The following AKT3 variants were observed in gnomAD, a reference collection of about 807,000 sequenced individuals.
AKT3 encodes RAC-gamma serine/threonine-protein kinase.
A neutral mutation model predicts 65.3 loss-of-function variants in AKT3; 15 were observed. That is an observed-to-expected ratio of 0.23 (90% CI 0.15 to 0.35). The LOEUF (loss-of-function observed/expected upper bound fraction) is 0.35. Among genes scored for constraint, AKT3 ranks in the 10% least tolerant of loss-of-function variants. The pLI is 1.00. For synonymous variants in AKT3, 206 were observed against 183.8 expected (o/e 1.12, Z -0.98); for missense variants, 243 against 576.5 (o/e 0.42, Z 5.92).
At chr1:243,721,639 T>TA (rs1302780437) in intron 2 of AKT3, among the ~76,000 whole-genome samples, 1 of 152,146 alleles carries the variant, frequency 6.6e-6, no homozygotes, top group Non-Finnish European at 1.5e-5. Context: ...TATAAACTAG[T>TA]AGTACCCTTA....
chr1:243,664,956 G>C, intron 3 of AKT3, 73 bp from the exon 4 acceptor site: 2 of 818,148 alleles, frequency 2.4e-6, no homozygotes, highest in Non-Finnish European at 3.5e-6. Flanking sequence ...GAGAACTACA[G>C]AGTTCTATTT....
At chr1:243,814,287 G>A (rs186760851) in intron 2 of AKT3, among the ~76,000 whole-genome samples, 7 of 152,176 alleles carry the variant, frequency 4.6e-5, no homozygotes, top group Admixed American at 3.9e-4. Flanking sequence ...TTATCTTGAA[G>A]AGATTTAGTT....
intron 2 of AKT3, among the ~76,000 whole-genome samples, chr1:243,842,821 C>T (rs1695327013): frequency 1.3e-5 from 2 of 152,174 alleles, no homozygotes; most frequent in African/African-American, 4.8e-5. Context: ...CTAAAGATAT[C>T]TCTCCAGATT....
At chr1:243,524,594 T>A (rs1319070439) in intron 12 of AKT3, among the ~76,000 whole-genome samples, 1 of 152,200 alleles carries the variant, frequency 6.6e-6, no homozygotes, top group East Asian at 1.9e-4. Flanking sequence ...TTAAATAAGC[T>A]CTCTCACACA....
chr1:243,847,531 A>T (rs1695570769), intron 1 of AKT3, among the ~76,000 whole-genome samples: 2 of 152,214 alleles, frequency 1.3e-5, no homozygotes. Flanking sequence ...AAAGAAACCC[A>T]GATAGCTGGA....
intron 12 of AKT3, among the ~76,000 whole-genome samples, chr1:243,524,331 C>T (rs1292397350): frequency 6.6e-6 from 1 of 152,172 alleles, no homozygotes; most frequent in African/African-American, 2.4e-5. Context: ...AAGCACCAGC[C>T]TCTGCTGACT....
chr1:243,699,627 G>A (rs568624987), intron 2 of AKT3, among the ~76,000 whole-genome samples: 1 of 151,332 alleles, frequency 6.6e-6, no homozygotes, highest in Admixed American at 6.6e-5. Flanking sequence ...AAGGATTCTG[G>A]TATACTGGCT....
At chr1:243,521,427 T>C (rs1670712558) in intron 12 of AKT3, among the ~76,000 whole-genome samples, 1 of 152,220 alleles carries the variant, frequency 6.6e-6, no homozygotes, top group Non-Finnish European at 1.5e-5. Flanking sequence ...TTTGTGTATA[T>C]GTAGGTGTGC....
chr1:243,493,459 A>C (rs1667065802), intron 13 of AKT3, among the ~76,000 whole-genome samples: 1 of 152,206 alleles, frequency 6.6e-6, no homozygotes, highest in African/African-American at 2.4e-5. Context: ...TCAACCATCA[A>C]GATGATTTTC....
chr1:243,850,337 G>A (rs1047703178), upstream of AKT3, among the ~76,000 whole-genome samples: 1 of 149,210 alleles, frequency 6.7e-6, no homozygotes, highest in African/African-American at 2.5e-5. Context: ...GGAGGGAGGA[G>A]AGAGGGCGGC....
At chr1:243,700,688 G>C (rs1399812645) in intron 2 of AKT3, among the ~76,000 whole-genome samples, 1 of 152,036 alleles carries the variant, frequency 6.6e-6, no homozygotes, top group Non-Finnish European at 1.5e-5. Flanking sequence ...ATTTTTAGTA[G>C]AGACAGGGTT....
chr1:243,778,821 G>A (rs1293858934), intron 2 of AKT3, among the ~76,000 whole-genome samples: 3 of 152,018 alleles, frequency 2.0e-5, no homozygotes, highest in Non-Finnish European at 4.4e-5. Context: ...CAGAGTTTAT[G>A]ACAATATAAG....
intron 11 of AKT3, among the ~76,000 whole-genome samples, chr1:243,548,977 C>A (rs1166132252): frequency 1.3e-5 from 2 of 152,152 alleles, no homozygotes; most frequent in African/African-American, 4.8e-5. Flanking sequence ...AAAGGCTTTT[C>A]AAGGTCCTTG....
intron 2 of AKT3, among the ~76,000 whole-genome samples, chr1:243,727,010 A>G (rs1032142991): frequency 6.6e-6 from 1 of 152,176 alleles, no homozygotes; most frequent in Non-Finnish European, 1.5e-5. Flanking sequence ...ATTGTGGTAA[A>G]GCCCACCTCC....
chr1:243,777,648 T>C (rs1395523464), intron 2 of AKT3, among the ~76,000 whole-genome samples: 1 of 152,168 alleles, frequency 6.6e-6, no homozygotes, highest in Non-Finnish European at 1.5e-5. Context: ...GTCAAAAACA[T>C]GGGATTTGGA....
intron 8 of AKT3, among the ~76,000 whole-genome samples, chr1:243,589,594 T>C (rs1676083350): frequency 6.6e-6 from 1 of 152,126 alleles, no homozygotes; most frequent in South Asian, 2.1e-4. Flanking sequence ...GGAATGTAAA[T>C]TGGTATAGCC....
intron 2 of AKT3, among the ~76,000 whole-genome samples, chr1:243,728,859 T>C (rs1201813845): frequency 6.6e-6 from 1 of 152,100 alleles, no homozygotes; most frequent in Non-Finnish European, 1.5e-5. Flanking sequence ...GGAAACTTAG[T>C]TTTTCCTTAG....
chr1:243,698,770 G>T (rs1181007193), intron 2 of AKT3, among the ~76,000 whole-genome samples: 1 of 151,956 alleles, frequency 6.6e-6, no homozygotes, highest in African/African-American at 2.4e-5. Context: ...ATTATACTGT[G>T]ATACTAAGCC....
chr1:243,642,349 G>A (rs12144518), intron 5 of AKT3, among the ~76,000 whole-genome samples: 6 of 152,096 alleles, frequency 3.9e-5, no homozygotes, highest in Non-Finnish European at 7.4e-5. Flanking sequence ...TCGCTCTGTC[G>A]CCCAGGCTAG....
Sources: allele counts gnomAD v4.1 joint callset (sites outside exome capture counted in the v4.1 genomes callset), GRCh38; gene constraint gnomAD v4.1.1; transcripts MANE v1.5; gene names NCBI Gene and HGNC (gene_info 2026-07-23, HGNC 2026-07-21).